Variants in MEGF10 observed in about 807,000 individuals in gnomAD.
MEGF10 encodes the protein multiple epidermal growth factor-like domains protein 10.
MEGF10 carries 86 observed loss-of-function variants against 147.5 expected under a neutral mutation model. The observed-to-expected ratio is 0.58, with a 90% CI of 0.49 to 0.70. MEGF10 has a LOEUF of 0.70. Among genes scored for constraint, MEGF10 ranks in the 30% least tolerant of loss-of-function variants. The pLI is 0.00. For synonymous variants in MEGF10, 478 were observed against 525.5 expected (o/e 0.91, Z 1.24); for missense variants, 1,329 against 1,487.3 (o/e 0.89, Z 1.75).
chr5:127,439,241 C>T (rs1158818861), intron 17 of MEGF10, among the ~76,000 whole-genome samples: 1 of 152,174 alleles, frequency 6.6e-6, no homozygotes, highest in Non-Finnish European at 1.5e-5. Context: ...AAAGTACTTA[C>T]TCCAAAGCTG....
intron 6 of MEGF10, 43 bp downstream of exon 6, chr5:127,396,821 C>A: frequency 6.3e-7 from 1 of 1,583,280 alleles, no homozygotes; most frequent in Non-Finnish European, 8.6e-7. Context: ...GCCCACCCAC[C>A]CTCTCCATTC....
Position 127,457,862 on chromosome 5 carries a change from TCAGGCGGTATGA to T in MEGF10, c.*546_*557del, listed in dbSNP as rs1311686187. ...TATGAATGCAGGAGGAAACATTCTG[TCAGGCGGTATGA>T]CTGGACAGACTTTGAATATACTCTA... On this transcript the variant is annotated 3_prime_UTR_variant, in exon 25 of 25. Coordinates refer to ENST00000503335, the MANE Select transcript of MEGF10 (RefSeq NM_001256545.2). 1.3e-5 allele frequency: 2 copies of T among 152,612 alleles called. No individual in the cohort carries two copies. The highest frequency in any genetic ancestry group is 2.9e-5 in the Non-Finnish European group (2 of 68,320). 9.5% of individuals were successfully genotyped at this position (152,612 alleles called of 1,614,324 possible).
At chr5:127,375,571 G>A (rs966363654) in intron 5 of MEGF10, among the ~76,000 whole-genome samples, 9 of 152,256 alleles carry the variant, frequency 5.9e-5, no homozygotes, top group East Asian at 3.9e-4. Context: ...ATCCTAATGC[G>A]TATCCTAGCT....
chr5:127,251,725 T>C, the MEGF10 span, among the ~76,000 whole-genome samples: 1 of 151,426 alleles, frequency 6.6e-6, no homozygotes, highest in Non-Finnish European at 1.5e-5. Context: ...AAATATAAGC[T>C]TGGGGTAAAG....
chr5:127,394,043 T>C (rs1256905816), intron 5 of MEGF10, among the ~76,000 whole-genome samples: 5 of 152,180 alleles, frequency 3.3e-5, no homozygotes, highest in Admixed American at 2.0e-4. Flanking sequence ...CAGTGTCACA[T>C]GGGGGAAAAT....
intron 5 of MEGF10, among the ~76,000 whole-genome samples, chr5:127,385,507 A>G (rs1763395004): frequency 6.6e-6 from 1 of 152,186 alleles, no homozygotes; most frequent in African/African-American, 2.4e-5. Context: ...TCCTGACCTC[A>G]GGTGATCTGC....
At chr5:127,262,636 C>T in the MEGF10 span, among the ~76,000 whole-genome samples, 2 of 152,126 alleles carry the variant, frequency 1.3e-5, no homozygotes, top group Non-Finnish European at 2.9e-5. Flanking sequence ...ACCCTCAAAT[C>T]TTGGGATGGA....
At chr5:127,388,632 G>T (rs1026246188) in intron 5 of MEGF10, among the ~76,000 whole-genome samples, 4 of 151,590 alleles carry the variant, frequency 2.6e-5, no homozygotes, top group African/African-American at 9.7e-5. Flanking sequence ...TGCAAACTCC[G>T]CCTCCTGGGT....
the MEGF10 span, among the ~76,000 whole-genome samples, chr5:127,263,050 T>TGCATATGA: frequency 6.6e-6 from 1 of 152,166 alleles, no homozygotes; most frequent in Non-Finnish European, 1.5e-5. Flanking sequence ...AAGAAATACA[T>TGCATATGA]GCATATGAGC....
intron 1 of MEGF10, among the ~76,000 whole-genome samples, chr5:127,300,636 CA>C (rs1374318357): frequency 6.6e-6 from 1 of 151,970 alleles, no homozygotes; most frequent in Non-Finnish European, 1.5e-5. Context: ...ATAAAAAATT[CA>C]AAAATTAAAG....
At chr5:127,444,171 C>A (rs986296043) in intron 19 of MEGF10, among the ~76,000 whole-genome samples, 17 of 152,306 alleles carry the variant, frequency 1.1e-4, no homozygotes, top group Admixed American at 4.6e-4. Flanking sequence ...GCTCTTACTG[C>A]ATGTGGTACT....
rs369525069 is a variant in MEGF10, at chr5:127,420,243, A to G, written c.1590+36A>G. The G allele has an allele frequency of 3.6e-5, 58 of 1,603,502 alleles. No homozygotes were observed. In the East Asian group the frequency reaches 4.5e-4, roughly 12 times the overall value. ...ATCAGCGCCCTGACGGAAAACGCCTATGAGGAACTGATGTTGTAAAGTTGG... is the reference window on the plus strand; with the variant it reads ...ATCAGCGCCCTGACGGAAAACGCCTGTGAGGAACTGATGTTGTAAAGTTGG... On this transcript the variant is annotated intron_variant, in intron 12 of 24. Transcript: ENST00000503335.
rs1334934114 is a variant in MEGF10 at position 127,391,100 on chromosome 5, GCGCACACACACACACACACACACACACA to G, written c.413-5430_413-5403del. Among the ~76,000 whole-genome samples, 23 of 40,068 alleles carry G rather than the reference GCGCACACACACACACACACACACACACA, an allele frequency of 5.7e-4. 1 individual carries two copies. Among genetic ancestry groups the G allele is most frequent in the African/African-American group, 1.1e-3 (21 of 18,316 alleles). The allele number at this position is 40,068 out of a possible 152,430, so 26.3% of individuals were successfully genotyped here. On this transcript the variant is annotated intron_variant, in intron 5 of 24. Coordinates refer to ENST00000503335, the MANE Select transcript of MEGF10 (RefSeq NM_001256545.2). ...TACATACACACATGCGCGCGCGCGCGCGCACACACACACACACACACACACACACACACACACACACACACACACACAC... is the reference window on the plus strand; with the variant it reads ...TACATACACACATGCGCGCGCGCGCGCACACACACACACACACACACACAC...
chr5:127,268,226 T>C, the MEGF10 span, among the ~76,000 whole-genome samples: 1 of 152,158 alleles, frequency 6.6e-6, no homozygotes, highest in Non-Finnish European at 1.5e-5. Context: ...AGTTGAGCAG[T>C]TTTGAGTGAG....
chr5:127,389,658 A>G (rs1763569641), intron 5 of MEGF10, among the ~76,000 whole-genome samples: 1 of 152,212 alleles, frequency 6.6e-6, no homozygotes, highest in Non-Finnish European at 1.5e-5. Flanking sequence ...TCCTTAGCAT[A>G]CTAATGCAGG....
Position 127,449,211 on chromosome 5 carries a change from T to G in MEGF10, c.2969T>G (p.Leu990Arg), listed in dbSNP as rs1766063763. The G allele has an allele frequency of 6.2e-7, 1 of 1,613,146 alleles. No individual in the cohort carries two copies. The highest frequency in any genetic ancestry group is 1.3e-5 in the African/African-American group (1 of 74,882). ...LPADWKHGGY[L>R]NELGAFGLDR... ...GCTGACTGGAAACATGGCGGCTACCTCAACGAGCTCGGTGAGTTCTCCCAA... is the reference window on the plus strand; with the variant it reads ...GCTGACTGGAAACATGGCGGCTACCGCAACGAGCTCGGTGAGTTCTCCCAA... Residue 990 changes from leucine to arginine, a missense_variant, in exon 22 of 25, where the codon CTC (leucine) becomes CGC (arginine). By Grantham distance (102) the Leu-to-Arg change is moderately radical. This residue lies in a region of MEGF10 where 343 missense variants were observed against 377.9 expected (regional missense o/e 0.91). Coordinates refer to ENST00000503335, the MANE Select transcript of MEGF10 (RefSeq NM_001256545.2).
chr5:127,402,471 C>T, intron 7 of MEGF10, 75 bp from the exon 8 acceptor site: 1 of 1,518,446 alleles, frequency 6.6e-7, no homozygotes, highest in South Asian at 1.3e-5. Flanking sequence ...TATTTCCTCT[C>T]TTTTCTTCTT....
chr5:127,316,337 A>T (rs1192491578), intron 1 of MEGF10, among the ~76,000 whole-genome samples: 1 of 152,196 alleles, frequency 6.6e-6, no homozygotes, highest in African/African-American at 2.4e-5. Context: ...CCAATTATTG[A>T]CAATACAGGA....
chr5:127,333,024 G>A (rs1330291320), intron 2 of MEGF10, among the ~76,000 whole-genome samples: 1 of 152,162 alleles, frequency 6.6e-6, no homozygotes, highest in African/African-American at 2.4e-5. Flanking sequence ...AAGTAATCCA[G>A]ATGACATTGC....
Sources: gnomAD v4.1 joint callset for allele counts (sites outside exome capture counted in the v4.1 genomes callset) on GRCh38, gnomAD v4.1.1 for gene constraint, gnomAD v4.1.1 regional missense constraint, MANE v1.5 for transcripts, NCBI Gene and HGNC (gene_info 2026-07-23, HGNC 2026-07-21) for gene names.